CNP: variants seen among roughly 807,000 people sequenced by gnomAD.
CNP encodes the protein 2',3'-cyclic-nucleotide 3'-phosphodiesterase.
Under a neutral mutation model 37.9 loss-of-function variants are expected in CNP, and 8 were observed. The ratio of observed to expected loss-of-function variants is 0.21; its 90% CI spans 0.12 to 0.38. The LOEUF (loss-of-function observed/expected upper bound fraction) is 0.38, where lower values mean the gene tolerates loss of function less well. Ranked by LOEUF, CNP falls within the 10% of genes least tolerant of loss-of-function variation. The probability of loss-of-function intolerance (pLI) is 1.00; values close to 1 mark genes in which losing one functional copy is unlikely to be tolerated. For synonymous variants in CNP, 237 were observed against 238.3 expected (o/e 0.99, Z 0.05); for missense variants, 457 against 551.0 (o/e 0.83, Z 1.71).
rs2051095389 is a variant in CNP at position 41,976,849 on chromosome 17, T to C, written c.*2925T>C. The C allele has an allele frequency of 1.9e-6, 3 of 1,544,196 alleles. No individual in the cohort carries two copies. Among genetic ancestry groups the C allele is most frequent in the Non-Finnish European group, 2.6e-6 (3 of 1,140,792 alleles). ...ACTTTGCTCTGATTATGGAAAAGTC[T>C]TCAAGGGCTGCTTCAAACTCAAACA... On this transcript the variant is annotated 3_prime_UTR_variant, in exon 4 of 4. Transcript: ENST00000393892.
At chr17:41,972,061 G>A in intron 3 of CNP, 30 bp downstream of exon 3, 4 of 1,609,612 alleles carry the variant, frequency 2.5e-6, no homozygotes, top group Non-Finnish European at 3.4e-6. Flanking sequence ...ACATGGGGGA[G>A]GTGGGAGGTT....
rs1555644204 is a variant in CNP, at chr17:41,973,691, G to A, written c.1033G>A (p.Gly345Ser). The A allele has an allele frequency of 1.2e-6, 2 of 1,613,214 alleles. No homozygotes were observed. Among genetic ancestry groups the A allele is most frequent in the African/African-American group, 1.3e-5 (1 of 74,920 alleles). The change falls in exon 4 of 4, where the codon GGC (glycine) becomes AGC (serine). Residue 345 changes from glycine (G) to serine (S), a missense_variant. Around this residue, in one of 2 missense-constraint regions of CNP, gnomAD observed 291 missense variants for 291.7 expected, o/e 1.00. Transcript: ENST00000393892. ...AGCTGACGTAGAGGCCGTGCAGACG[G>A]GCCTTGACCTCTTAGAGATTCTGCG... Reference protein sequence around the residue: ...CAADVEAVQTGLDLLEILRQE... With the variant: ...CAADVEAVQTSLDLLEILRQE...
intron 1 of CNP, 166 bp from the exon 2 acceptor site, chr17:41,967,902 C>G: frequency 2.8e-6 from 4 of 1,439,130 alleles, no homozygotes; most frequent in Non-Finnish European, 2.7e-6. Context: ...TTCCCTCTTC[C>G]TCCTCCACGA....
rs951177954 is a variant in CNP, at chr17:41,975,079, C to T, written c.*1155C>T. On this transcript the variant is annotated 3_prime_UTR_variant, in exon 4 of 4. Transcript: ENST00000393892. ...CAGGGCCTTGCTAATCGGGTTGTCA[C>T]TCAACAAAAGTGCTTTGGATTTAAG... is the stretch of plus-strand genomic sequence containing the variant. 1.3e-5 allele frequency: 2 copies of T among 152,274 alleles called. No individual in the cohort carries two copies. The highest frequency in any genetic ancestry group is 3.8e-4 in the East Asian group (2 of 5,206). The allele number at this position is 152,274 out of a possible 1,614,324, so 9.4% of individuals were successfully genotyped here.
chr17:41,969,940 G>GA (rs1481491935), intron 2 of CNP, among the ~76,000 whole-genome samples: 2 of 152,184 alleles, frequency 1.3e-5, no homozygotes, highest in Non-Finnish European at 2.9e-5. Context: ...CAGAAGCAGG[G>GA]AATTTGTGCC....
At chr17:41,971,869 C>T in intron 2 of CNP, 23 bp from the exon 3 acceptor site, 1 of 1,613,656 alleles carries the variant, frequency 6.2e-7, no homozygotes, top group Non-Finnish European at 8.5e-7. Flanking sequence ...CCTGCCCTGA[C>T]TGCACCCGTT....
chr17:41,970,239 G>A (rs1348972448), intron 2 of CNP: 1 of 152,104 alleles, frequency 6.6e-6, no homozygotes, highest in African/African-American at 2.4e-5. Context: ...TGGGAATACA[G>A]GCGCCTGCCA....
rs782494339 is a variant in CNP at position 41,968,676 on chromosome 17, A to C, written c.612A>C (p.Lys204Asn). ...AGAAGAGCTCTGAGACCCTCCGCAA[A>C]GCCGGCCAGGTCTTCCTGGAAGAGC... ...LTKKSSETLR[K>N]AGQVFLEELG... is the part of the protein sequence containing the mutation. Residue 204 changes from lysine (K) to asparagine (N), a missense_variant, in exon 2 of 4, where the codon AAA becomes AAC. By Grantham distance (94) the Lys-to-Asn change is moderately conservative (BLOSUM62 0). Transcript: ENST00000393892. The surrounding 1 kb of genome is among the most constrained non-coding windows in gnomAD (Gnocchi z 4.8). 3.1e-6 allele frequency: 5 copies of C among 1,613,964 alleles called. No homozygotes were observed. The Admixed American group carries it at 5.0e-5, about 16-fold the overall frequency.
Position 41,968,788 on chromosome 17 carries a change from G to A in CNP, c.676+48G>A. ...ATAAGCCCACCTTGCTGGGCACAGG[G>A]TGCTGCGGGCAAAGGACCATCATTG... On this transcript the variant is annotated intron_variant, in intron 2 of 3. Coordinates refer to ENST00000393892, the MANE Select transcript of CNP (RefSeq NM_033133.5). The surrounding 1 kb of genome is among the most constrained non-coding windows in gnomAD (Gnocchi z 4.8). 1 of 1,539,264 alleles carries A rather than the reference G, an allele frequency of 6.5e-7. No homozygotes were observed. Among genetic ancestry groups the A allele is most frequent in the Non-Finnish European group, 8.8e-7 (1 of 1,142,690 alleles).
At position 41,973,492 on chromosome 17, in the gene CNP, C is replaced by T. The variant is rs1055667270; in HGVS notation, c.834C>T (p.Tyr278=). Residue 278 remains tyrosine (Y), a synonymous_variant, in exon 4 of 4, where the codon TAC becomes TAT. Transcript: ENST00000393892. ...CTCCCCAGGTGTTAAAGAAATCTTACTCCAAGGCCTTCACGCTGACCATCT... is the reference window on the plus strand; with the variant it reads ...CTCCCCAGGTGTTAAAGAAATCTTATTCCAAGGCCTTCACGCTGACCATCT... ...YAQQDVLKKS[Y]SKAFTLTISA... is the part of the protein sequence containing the mutation. 8.1e-6 allele frequency: 13 copies of T among 1,613,866 alleles called. No homozygotes were observed. Among genetic ancestry groups the T allele is most frequent in the Middle Eastern group, 1.6e-4 (1 of 6,082 alleles).
intron 2 of CNP, among the ~76,000 whole-genome samples, chr17:41,969,866 A>G (rs1555643546): frequency 1.3e-5 from 2 of 152,056 alleles, no homozygotes; most frequent in Non-Finnish European, 2.9e-5. Context: ...GCCACCCCCA[A>G]TTTTAGATGA....
rs782586047 is a variant in CNP at position 41,968,094 on chromosome 17, C to T, written c.30C>T (p.His10=). 4.3e-6 allele frequency: 7 copies of T among 1,613,896 alleles called. No homozygotes were observed. In the Admixed American group the frequency reaches 1.0e-4, roughly 23 times the overall value. The change falls in exon 2 of 4, where the codon CAC becomes CAT. Residue 10 remains histidine (H), a synonymous_variant. Coordinates refer to ENST00000393892, the MANE Select transcript of CNP (RefSeq NM_033133.5). This position sits in a 1 kb window ranked among gnomAD's most constrained non-coding sequence, Gnocchi z 4.8. MNRGFSRKS[H]TFLPKIFFRK... ...ACAGAGGCTTCTCCCGAAAAAGCCA[C>T]ACATTCCTGCCCAAGATCTTCTTCC... is the stretch of plus-strand genomic sequence containing the variant.
At chr17:41,967,832 T>A in intron 1 of CNP, 1 of 1,376,272 alleles carries the variant, frequency 7.3e-7, no homozygotes, top group East Asian at 2.7e-5. Flanking sequence ...TCCAGCACGT[T>A]TACCTTTCCG....
At chr17:41,967,776 T>G (rs2050923975) in intron 1 of CNP, 35 of 1,208,124 alleles carry the variant, frequency 2.9e-5, no homozygotes, top group Non-Finnish European at 3.6e-5. Context: ...CATATAAGAG[T>G]GAGGCCAGTC....
chr17:41,976,266 C>T lies in CNP; in HGVS notation c.*2342C>T, dbSNP rs954814890. The T allele has an allele frequency of 4.9e-5, 8 of 162,828 alleles. No individual in the cohort carries two copies. Among genetic ancestry groups the T allele is most frequent in the Non-Finnish European group, 1.1e-4 (8 of 75,652 alleles). The allele number at this position is 162,828 out of a possible 1,614,324, so 10.1% of individuals were successfully genotyped here. ...GCTGGGCCCAGAGGCACAGCCGGGG[C>T]CTGCCTAGCACTCACATGCTGGACA... On this transcript the variant is annotated 3_prime_UTR_variant, in exon 4 of 4. Coordinates refer to ENST00000393892, the MANE Select transcript of CNP (RefSeq NM_033133.5).
At position 41,973,724 on chromosome 17, in the gene CNP, A is replaced by G. The variant is rs782480365; in HGVS notation, c.1066A>G (p.Lys356Glu). ...LDLLEILRQE[K>E]GGSRGEEVGE... Reference sequence around the variant, plus strand: ...CCTCTTAGAGATTCTGCGGCAGGAGAAGGGGGGCAGCCGAGGCGAGGAGGT... The same window carrying G: ...CCTCTTAGAGATTCTGCGGCAGGAGGAGGGGGGCAGCCGAGGCGAGGAGGT... The change falls in exon 4 of 4, where the codon AAG (lysine) becomes GAG (glutamate). Residue 356 changes from lysine to glutamate, a missense_variant. By Grantham distance (56) the Lys-to-Glu change is moderately conservative. Around this residue, in one of 2 missense-constraint regions of CNP, gnomAD observed 291 missense variants for 291.7 expected, o/e 1.00. Transcript: ENST00000393892. 8.1e-6 allele frequency: 13 copies of G among 1,611,660 alleles called. No homozygotes were observed. The highest frequency in any genetic ancestry group is 6.7e-5 in the East Asian group (3 of 44,804).
At chr17:41,967,815 G>T in intron 1 of CNP, 1 of 1,326,426 alleles carries the variant, frequency 7.5e-7, no homozygotes, top group Non-Finnish European at 9.7e-7. Context: ...GGCGCGCCCC[G>T]CATGCCTCCA....
In CNP at chr17:41,968,197, A is replaced by G. The variant is rs782088799; in HGVS notation, c.133A>G (p.Thr45Ala). 2 of 1,614,278 alleles carry G rather than the reference A, an allele frequency of 1.2e-6. No individual in the cohort carries two copies. The highest frequency in any genetic ancestry group is 1.7e-6 in the Non-Finnish European group (2 of 1,180,044). Reference protein sequence around the residue: ...PFLQDEDTVATLLECKTLFIL... With the variant: ...PFLQDEDTVAALLECKTLFIL... ...CCTTCAGGATGAGGACACAGTGGCCACGCTGCTAGAGTGCAAGACGCTCTT... is the reference window on the plus strand; with the variant it reads ...CCTTCAGGATGAGGACACAGTGGCCGCGCTGCTAGAGTGCAAGACGCTCTT... The change falls in exon 2 of 4, where the codon ACG becomes GCG. Residue 45 changes from threonine (T) to alanine (A), a missense_variant. Physicochemically the swap from Thr to Ala is moderately conservative, Grantham distance 58. Transcript: ENST00000393892. The surrounding 1 kb of genome is among the most constrained non-coding windows in gnomAD (Gnocchi z 4.8).
chr17:41,973,948 C>T lies in CNP; in HGVS notation c.*24C>T, dbSNP rs776942033. On this transcript the variant is annotated 3_prime_UTR_variant, in exon 4 of 4. Transcript: ENST00000393892. ...GAGTGTTCTCACCACCACTTATGCC[C>T]CTAGAAGGGAAGGGGAGAGGGAAAC... The T allele has an allele frequency of 2.1e-6, 3 of 1,451,234 alleles. No individual in the cohort carries two copies. The highest frequency in any genetic ancestry group is 2.8e-5 in the African/African-American group (2 of 70,224). The allele number at this position is 1,451,234 out of a possible 1,614,324, so 89.9% of individuals were successfully genotyped here.
Sources: gnomAD v4.1 joint callset for allele counts (sites outside exome capture counted in the v4.1 genomes callset) on GRCh38, gnomAD v4.1.1 for gene constraint, gnomAD v4.1.1 regional missense constraint, Gnocchi (gnomAD v3.1) non-coding constraint, MANE v1.5 for transcripts, NCBI Gene and HGNC (gene_info 2026-07-23, HGNC 2026-07-21) for gene names.